The following RBMS3 variants were observed in gnomAD, a reference collection of about 807,000 sequenced individuals.
The protein encoded by RBMS3 is RNA-binding motif, single-stranded-interacting protein 3.
RBMS3 carries 27 observed loss-of-function variants against 66.8 expected under a neutral mutation model. The observed-to-expected ratio is 0.40, with a 90% CI of 0.30 to 0.56. The LOEUF (loss-of-function observed/expected upper bound fraction) is 0.56, where lower values mean the gene tolerates loss of function less well. RBMS3 is among the 20% of genes least tolerant of loss of function. The pLI is 0.40. For synonymous variants in RBMS3, 188 were observed against 183.0 expected, an observed-to-expected ratio of 1.03 and a Z score of -0.22; for missense variants, 513 against 549.5, an observed-to-expected ratio of 0.93 and a Z score of 0.66.
At chr3:29,309,910 A>G (rs1157902225) in intron 1 of RBMS3, among the ~76,000 whole-genome samples, 3 of 151,650 alleles carry the variant, frequency 2.0e-5, no homozygotes, top group Non-Finnish European at 4.4e-5. Context: ...TTTTTAAAAA[A>G]GTTTGAGATT....
At chr3:29,837,551 T>C (rs1249702458) in intron 6 of RBMS3, among the ~76,000 whole-genome samples, 1 of 150,910 alleles carries the variant, frequency 6.6e-6, no homozygotes, top group Admixed American at 6.6e-5. Flanking sequence ...CCTCCCCGTC[T>C]GTATTGAGCT....
rs371402865 is a variant in RBMS3 at position 29,381,340 on chromosome 3, G to T, written c.76-53403G>T. ...CCTACCTGGTCAAGTGGTCCAGAAA[G>T]CTTGAGCATAGTGTTAAATGGACCA... is the stretch of plus-strand genomic sequence containing the variant. On this transcript the variant is annotated intron_variant, in intron 1 of 14. Coordinates refer to ENST00000383767, the MANE Select transcript of RBMS3 (RefSeq NM_001003793.3). Among the ~76,000 whole-genome samples the T allele has an allele frequency of 3.7e-4, 56 of 152,286 alleles. No homozygotes were observed. In the East Asian group the frequency reaches 5.0e-3, roughly 14 times the overall value.
intron 4 of RBMS3, among the ~76,000 whole-genome samples, chr3:29,615,516 G>A (rs1389383323): frequency 6.6e-6 from 1 of 151,258 alleles, no homozygotes; most frequent in African/African-American, 2.4e-5. Context: ...TGTTTAAAAC[G>A]ATCAAACCAG....
At chr3:29,292,771 G>A (rs780029807) in intron 1 of RBMS3, among the ~76,000 whole-genome samples, 6 of 151,826 alleles carry the variant, frequency 4.0e-5, no homozygotes, top group Non-Finnish European at 4.4e-5. Context: ...ATGAACTAAA[G>A]AGAAAGATTA....
At chr3:29,322,782 G>T (rs181224109) in intron 1 of RBMS3, among the ~76,000 whole-genome samples, 4 of 152,224 alleles carry the variant, frequency 2.6e-5, no homozygotes, top group Admixed American at 1.3e-4. Flanking sequence ...CAAGGAGAGG[G>T]TTTATAAATG....
rs200296107 is a variant in RBMS3, at chr3:30,004,900, CTT to C, written c.*1039_*1040del. 3,551 of 140,978 alleles carry C rather than the reference CTT, an allele frequency of 0.025. 65 individuals carry two copies. Among genetic ancestry groups the C allele is most frequent in the South Asian group, 0.066 (289 of 4,404 alleles). 8.7% of individuals were successfully genotyped at this position (140,978 alleles called of 1,614,324 possible). On this transcript the variant is annotated 3_prime_UTR_variant, in exon 15 of 15. Coordinates refer to ENST00000383767, the MANE Select transcript of RBMS3 (RefSeq NM_001003793.3). ...AGCTTAAGAGCATTAAAAAAAAAAA[CTT>C]AAGTAGATAGGAGCTTATGGTCAAA...
chr3:29,326,536 T>C (rs571712580), intron 1 of RBMS3, among the ~76,000 whole-genome samples: 30 of 152,300 alleles, frequency 2.0e-4, no homozygotes, highest in African/African-American at 7.0e-4. Flanking sequence ...ATTATAAATC[T>C]AGTCATTAGG....
intron 3 of RBMS3, among the ~76,000 whole-genome samples, chr3:29,546,325 G>T (rs185412353): frequency 3.7e-4 from 57 of 152,278 alleles, no homozygotes; most frequent in African/African-American, 1.3e-3. Flanking sequence ...AACGTACACA[G>T]CTAGTAGGTG....
intron 6 of RBMS3, among the ~76,000 whole-genome samples, chr3:29,830,752 A>T (rs2058350713): frequency 6.6e-6 from 1 of 152,156 alleles, no homozygotes; most frequent in African/African-American, 2.4e-5. Context: ...ATACAAAAGC[A>T]AGTTGTTTAG....
At chr3:29,811,544 T>C (rs961412657) in intron 6 of RBMS3, among the ~76,000 whole-genome samples, 7 of 152,216 alleles carry the variant, frequency 4.6e-5, no homozygotes, top group African/African-American at 1.7e-4. Context: ...GTCTACATTC[T>C]AAGGTCTCAT....
At chr3:29,488,373 A>G in intron 2 of RBMS3, 68 bp from the exon 3 acceptor site, 3 of 1,365,060 alleles carry the variant, frequency 2.2e-6, no homozygotes, top group East Asian at 2.3e-5. Context: ...CCCGATGTTC[A>G]TTAGAGTGTT....
At chr3:29,643,887 G>A (rs2049820880) in intron 4 of RBMS3, among the ~76,000 whole-genome samples, 2 of 152,158 alleles carry the variant, frequency 1.3e-5, no homozygotes, top group South Asian at 4.1e-4. Flanking sequence ...GGGAGTGGGA[G>A]CATTAATGAA....
At chr3:29,848,248 C>T (rs2058839522) in intron 6 of RBMS3, among the ~76,000 whole-genome samples, 1 of 152,142 alleles carries the variant, frequency 6.6e-6, no homozygotes, top group Admixed American at 6.6e-5. Flanking sequence ...GGCATAGATG[C>T]ATTTACAGGA....
chr3:29,515,412 T>C lies in RBMS3; in HGVS notation c.307+26913T>C, dbSNP rs189457602. On this transcript the variant is annotated intron_variant, in intron 3 of 14. Coordinates refer to ENST00000383767, the MANE Select transcript of RBMS3 (RefSeq NM_001003793.3). Reference sequence around the variant, plus strand: ...CATCAAGGCTAGGGTAAAGAGCTTGTTATAAAGGCAATGGAAACCAAGGAG... The same window carrying C: ...CATCAAGGCTAGGGTAAAGAGCTTGCTATAAAGGCAATGGAAACCAAGGAG... 2.9e-3 allele frequency among the ~76,000 whole-genome samples: 445 copies of C among 152,196 alleles called. 1 individual carries two copies. Among genetic ancestry groups the C allele is most frequent in the African/African-American group, 9.7e-3 (404 of 41,536 alleles).
At chr3:29,655,980 G>A (rs1054326425) in intron 4 of RBMS3, among the ~76,000 whole-genome samples, 5 of 151,576 alleles carry the variant, frequency 3.3e-5, no homozygotes, top group Non-Finnish European at 5.9e-5. Flanking sequence ...AAAAATAGCA[G>A]AAAGCTTATA....
chr3:29,500,450 A>G (rs1374184772), intron 3 of RBMS3, among the ~76,000 whole-genome samples: 3 of 149,360 alleles, frequency 2.0e-5, no homozygotes, highest in Non-Finnish European at 4.4e-5. Flanking sequence ...ATATATACAT[A>G]TATTTACATA....
At chr3:29,779,000 A>G (rs982833174) in intron 6 of RBMS3, among the ~76,000 whole-genome samples, 1 of 151,840 alleles carries the variant, frequency 6.6e-6, no homozygotes, top group Non-Finnish European at 1.5e-5. Context: ...TAGAATGAAT[A>G]TTAATATCCT....
At chr3:29,402,349 A>T (rs2039847851) in intron 1 of RBMS3, among the ~76,000 whole-genome samples, 1 of 152,064 alleles carries the variant, frequency 6.6e-6, no homozygotes, top group South Asian at 2.1e-4. Flanking sequence ...TCAATTGCCC[A>T]CTTTAGAAAT....
chr3:29,571,556 G>C lies in RBMS3; in HGVS notation c.308-15558G>C, dbSNP rs576813747. Among the ~76,000 whole-genome samples, 109 of 152,098 alleles carry C rather than the reference G, an allele frequency of 7.2e-4. 1 individual carries two copies. Among genetic ancestry groups the C allele is most frequent in the African/African-American group, 2.4e-3 (98 of 41,498 alleles). ...GTCCATTCTTCAATGTGTGGCTTTG[G>C]CACCTTTGTGAAAAATGAGTTCACT... On this transcript the variant is annotated intron_variant, in intron 3 of 14. Coordinates refer to ENST00000383767, the MANE Select transcript of RBMS3 (RefSeq NM_001003793.3).
Sources: allele counts gnomAD v4.1 joint callset (sites outside exome capture counted in the v4.1 genomes callset), GRCh38; gene constraint gnomAD v4.1.1; transcripts MANE v1.5; gene names NCBI Gene and HGNC (gene_info 2026-07-23, HGNC 2026-07-21).